Variants in LRP1B observed in about 807,000 individuals in gnomAD.
LRP1B encodes the protein LDL receptor related protein 1B, also known as low-density lipoprotein receptor-related protein 1B.
In LRP1B, 217 loss-of-function variants were observed where a neutral mutation model predicts 556.6. The ratio of observed to expected loss-of-function variants is 0.39; its 90% CI spans 0.35 to 0.44. LRP1B has a LOEUF of 0.44. LRP1B is among the 20% of genes least tolerant of loss of function. LRP1B has a pLI of 1.00. For synonymous variants in LRP1B, 2,047 were observed against 1,865.8 expected, an observed-to-expected ratio of 1.10 and a Z score of -2.50; for missense variants, 5,053 against 5,620.8, an observed-to-expected ratio of 0.90 and a Z score of 3.23.
intron 2 of LRP1B, among the ~76,000 whole-genome samples, chr2:141,524,874 G>T (rs1021332827): frequency 6.6e-6 from 1 of 151,712 alleles, no homozygotes; most frequent in Admixed American, 6.6e-5. Flanking sequence ...ATTTTTAAAA[G>T]AAAAAACAGT....
chr2:140,646,036 A>C (rs1684471843), intron 41 of LRP1B, among the ~76,000 whole-genome samples: 1 of 152,162 alleles, frequency 6.6e-6, no homozygotes, highest in Non-Finnish European at 1.5e-5. Flanking sequence ...ATCAGTCATT[A>C]AAGTTCTGTC....
intron 1 of LRP1B, among the ~76,000 whole-genome samples, chr2:142,066,422 T>C (rs984486407): frequency 6.6e-6 from 1 of 151,570 alleles, no homozygotes; most frequent in Non-Finnish European, 1.5e-5. Context: ...TTATAAGTTC[T>C]GCTCTCCTCA....
chr2:140,487,245 T>A lies in LRP1B; in HGVS notation c.9243+372A>T, dbSNP rs563130004. Reference sequence around the variant, plus strand: ...CATAATTTCAATCCACACTGTAATGTTTAACTTTTTCGATTACAAAGTTTT... The same window carrying A: ...CATAATTTCAATCCACACTGTAATGATTAACTTTTTCGATTACAAAGTTTT... On this transcript the variant is annotated intron_variant, in intron 58 of 90. Coordinates refer to ENST00000389484, the MANE Select transcript of LRP1B (RefSeq NM_018557.3). Among the ~76,000 whole-genome samples the A allele has an allele frequency of 3.3e-5, 5 of 152,062 alleles. No homozygotes were observed. The East Asian group carries it at 9.6e-4, about 29-fold the overall frequency.
At chr2:140,844,932 T>C (rs543123311) in intron 29 of LRP1B, among the ~76,000 whole-genome samples, 2 of 152,166 alleles carry the variant, frequency 1.3e-5, no homozygotes, top group Non-Finnish European at 2.9e-5. Flanking sequence ...GAGAGCTTCA[T>C]GGAGTATGAA....
At chr2:141,850,262 T>C (rs1437312929) in intron 1 of LRP1B, among the ~76,000 whole-genome samples, 9 of 151,702 alleles carry the variant, frequency 5.9e-5, no homozygotes. Flanking sequence ...ATAAAAAGAA[T>C]TTAAAATAGT....
intron 25 of LRP1B, among the ~76,000 whole-genome samples, chr2:140,879,337 G>A (rs983572493): frequency 6.6e-6 from 1 of 152,112 alleles, no homozygotes; most frequent in African/African-American, 2.4e-5. Flanking sequence ...TCTAGTGGGG[G>A]AAAAATATGG....
chr2:140,851,864 C>A (rs894754645), intron 27 of LRP1B, 81 bp from the exon 28 acceptor site: 2 of 1,327,484 alleles, frequency 1.5e-6, no homozygotes, highest in Non-Finnish European at 2.0e-6. Context: ...GGGTTATTCA[C>A]CTAATGATTC....
intron 2 of LRP1B, among the ~76,000 whole-genome samples, chr2:141,622,173 G>C (rs1231468919): frequency 2.0e-5 from 3 of 152,126 alleles, no homozygotes; most frequent in Non-Finnish European, 4.4e-5. Flanking sequence ...TTATAGATGT[G>C]AGCCACCGCG....
chr2:140,242,426 A>T (rs970020707), intron 87 of LRP1B, among the ~76,000 whole-genome samples: 12 of 151,126 alleles, frequency 7.9e-5, no homozygotes, highest in Non-Finnish European at 1.8e-4. Flanking sequence ...AGTCCTTAGG[A>T]TGTCATAGGG....
At chr2:141,236,410 C>T (rs1464122890) in intron 5 of LRP1B, among the ~76,000 whole-genome samples, 3 of 152,000 alleles carry the variant, frequency 2.0e-5, no homozygotes, top group Admixed American at 6.6e-5. Context: ...GAGATGATCT[C>T]ATAGAAATAG....
chr2:140,799,206 T>A (rs1690420617), intron 32 of LRP1B, among the ~76,000 whole-genome samples: 5 of 152,146 alleles, frequency 3.3e-5, no homozygotes, highest in Admixed American at 2.6e-4. Context: ...TATGTCCCCC[T>A]TCCCAACCCA....
At chr2:140,537,953 C>T (rs76566128) in intron 45 of LRP1B, among the ~76,000 whole-genome samples, 1,972 of 152,094 alleles carry the variant, frequency 0.013, 31 homozygotes, top group African/African-American at 0.043. Flanking sequence ...CTTGCATGTA[C>T]GTACTCACCC....
At chr2:141,672,196 A>G (rs950253223) in intron 2 of LRP1B, among the ~76,000 whole-genome samples, 7 of 152,088 alleles carry the variant, frequency 4.6e-5, no homozygotes, top group Non-Finnish European at 8.8e-5. Flanking sequence ...GGCAGCTTCT[A>G]CTACAGACAA....
At chr2:141,651,608 T>C (rs1479962825) in intron 2 of LRP1B, among the ~76,000 whole-genome samples, 1 of 152,174 alleles carries the variant, frequency 6.6e-6, no homozygotes, top group East Asian at 1.9e-4. Flanking sequence ...GAGGTTGCAG[T>C]GAGCAGAGAT....
At chr2:141,135,582 C>A (rs1412351371) in intron 7 of LRP1B, among the ~76,000 whole-genome samples, 1 of 151,964 alleles carries the variant, frequency 6.6e-6, no homozygotes, top group East Asian at 1.9e-4. Flanking sequence ...TCTCAAGTTT[C>A]CTCATTGAGC....
intron 2 of LRP1B, among the ~76,000 whole-genome samples, chr2:141,733,577 A>G (rs1693359471): frequency 6.6e-6 from 1 of 152,124 alleles, no homozygotes; most frequent in African/African-American, 2.4e-5. Context: ...TGCCTACAGA[A>G]TAAAGTTTAA....
intron 7 of LRP1B, among the ~76,000 whole-genome samples, chr2:141,188,006 C>T (rs1681333452): frequency 6.6e-6 from 1 of 151,918 alleles, no homozygotes; most frequent in South Asian, 2.1e-4. Context: ...TTTGTAAATC[C>T]TAAACGTTAT....
chr2:141,979,484 T>C (rs1360297246), intron 1 of LRP1B, among the ~76,000 whole-genome samples: 1 of 152,110 alleles, frequency 6.6e-6, no homozygotes, highest in Non-Finnish European at 1.5e-5. Context: ...CACTTTTTAA[T>C]GGTAGACTCA....
chr2:140,609,143 C>A (rs947990467), intron 41 of LRP1B, among the ~76,000 whole-genome samples: 1 of 152,128 alleles, frequency 6.6e-6, no homozygotes, highest in Non-Finnish European at 1.5e-5. Context: ...ATGAACTCCG[C>A]GGTGCCTGAA....
Sources: allele counts gnomAD v4.1 joint callset (sites outside exome capture counted in the v4.1 genomes callset), GRCh38; gene constraint gnomAD v4.1.1; transcripts MANE v1.5; gene names NCBI Gene and HGNC (gene_info 2026-07-23, HGNC 2026-07-21).